Variants in PURG observed in about 807,000 individuals in gnomAD.
The protein encoded by PURG is purine rich element binding protein G.
Under a neutral mutation model 24.3 loss-of-function variants are expected in PURG, and 3 were observed. The observed-to-expected ratio is 0.12, with a 90% CI of 0.06 to 0.32. The LOEUF (loss-of-function observed/expected upper bound fraction) is 0.32. PURG is among the 10% of genes least tolerant of loss of function. The pLI is 1.00. For synonymous variants in PURG, 180 were observed against 173.1 expected, an observed-to-expected ratio of 1.04 and a Z score of -0.31; for missense variants, 371 against 439.1, an observed-to-expected ratio of 0.84 and a Z score of 1.39.
At chr8:31,021,841 T>C (rs1810997214) in intron 1 of PURG, among the ~76,000 whole-genome samples, 1 of 152,168 alleles carries the variant, frequency 6.6e-6, no homozygotes, top group South Asian at 2.1e-4. Context: ...CTATGTCTAG[T>C]ATACAGTGGG....
Position 31,032,639 on chromosome 8 carries a change from A to G in PURG, c.144T>C (p.Pro48=), listed in dbSNP as rs1455498565. 1 of 1,587,780 alleles carries G rather than the reference A, an allele frequency of 6.3e-7. No homozygotes were observed. Among genetic ancestry groups the G allele is most frequent in the Non-Finnish European group, 8.6e-7 (1 of 1,165,246 alleles). ...TTTCGGCTGCGCCCCCGGCCTGATTAGGGGTGGCTGAGGCCGCGTAGTGGG... is the reference window on the plus strand; with the variant it reads ...TTTCGGCTGCGCCCCCGGCCTGATTGGGGGTGGCTGAGGCCGCGTAGTGGG... ...HYPHYAASAT[P]NQAGGAAEIQ... Residue 48 remains proline, a synonymous_variant, in exon 2 of 2, where the codon CCT becomes CCC. Coordinates refer to ENST00000523392, the MANE Select transcript of PURG (RefSeq NM_001323311.2). This position sits in a 1 kb window ranked among gnomAD's most constrained non-coding sequence, Gnocchi z 5.9.
Position 31,016,581 on chromosome 8 carries a change from C to CAAAAAAAAAAAAAAAAAAAAAAAAAAA in PURG, c.864+15311_864+15337dup, listed in dbSNP as rs11433207. ...GAAAGAATGCAAGTCTACCAAGAAC[C>CAAAAAAAAAAAAAAAAAAAAAAAAAAA]AAAAAAAAAAAAAAAAAAAAAAAAA... is the stretch of plus-strand genomic sequence containing the variant. On this transcript the variant is annotated intron_variant, in intron 1 of 1. Transcript: ENST00000339382. Among the ~76,000 whole-genome samples, 3 of 57,532 alleles carry CAAAAAAAAAAAAAAAAAAAAAAAAAAA rather than the reference C, an allele frequency of 5.2e-5. 1 individual carries two copies. Among genetic ancestry groups the CAAAAAAAAAAAAAAAAAAAAAAAAAAA allele is most frequent in the East Asian group, 1.1e-3 (2 of 1,878 alleles). The allele number at this position is 57,532 out of a possible 152,430, so 37.7% of individuals were successfully genotyped here.
intron 1 of PURG, among the ~76,000 whole-genome samples, chr8:31,001,074 T>C (rs1219573306): frequency 6.6e-6 from 1 of 152,208 alleles, no homozygotes; most frequent in African/African-American, 2.4e-5. Context: ...AAATTCTTAA[T>C]AGAAGCTGCA....
chr8:31,015,423 A>C (rs2129808927), intron 1 of PURG, among the ~76,000 whole-genome samples: 1 of 152,194 alleles, frequency 6.6e-6, no homozygotes, highest in African/African-American at 2.4e-5. Flanking sequence ...GACTAAGGCA[A>C]TTTTTTTCTA....
chr8:31,027,642 A>C (rs1161158107), downstream of PURG, among the ~76,000 whole-genome samples: 1 of 151,686 alleles, frequency 6.6e-6, no homozygotes, highest in Non-Finnish European at 1.5e-5. Flanking sequence ...ATATAAATAC[A>C]TGATTATATT....
intron 1 of PURG, among the ~76,000 whole-genome samples, chr8:31,005,476 T>C (rs1381306855): frequency 6.7e-6 from 1 of 149,266 alleles, no homozygotes; most frequent in Non-Finnish European, 1.5e-5. Flanking sequence ...AAAAGAAAAA[T>C]ACATGCAATT....
At chr8:31,024,531 T>C (rs1459304763) in intron 1 of PURG, among the ~76,000 whole-genome samples, 2 of 152,180 alleles carry the variant, frequency 1.3e-5, no homozygotes, top group East Asian at 1.9e-4. Context: ...TTATTTCTCT[T>C]AGATGAATTT....
chr8:31,002,249 A>C lies in PURG; in HGVS notation c.865-5552T>G, dbSNP rs1298101120. Among the ~76,000 whole-genome samples, 10 of 152,200 alleles carry C rather than the reference A, an allele frequency of 6.6e-5. No individual in the cohort carries two copies. The East Asian group carries it at 1.5e-3, about 23-fold the overall frequency. Reference sequence around the variant, plus strand: ...ATTGAACTATTGAATACCGAGAGGTAAGACTTGATGATGTTGAAAGTCTCT... The same window carrying C: ...ATTGAACTATTGAATACCGAGAGGTCAGACTTGATGATGTTGAAAGTCTCT... On this transcript the variant is annotated intron_variant, in intron 1 of 1. Coordinates refer to the PURG transcript ENST00000339382.
At chr8:30,996,818 A>T in intron 1 of PURG, 1 of 767,708 alleles carries the variant, frequency 1.3e-6, no homozygotes, top group Admixed American at 2.9e-5. Flanking sequence ...AAAGCATGTA[A>T]CAAACCCTCA....
At chr8:31,004,204 A>T (rs1000897182) in intron 1 of PURG, among the ~76,000 whole-genome samples, 2 of 152,190 alleles carry the variant, frequency 1.3e-5, no homozygotes, top group African/African-American at 4.8e-5. Flanking sequence ...TGCTGCTCTT[A>T]CTGTATCTAC....
intron 1 of PURG, among the ~76,000 whole-genome samples, chr8:31,021,275 A>C (rs1421397518): frequency 6.6e-6 from 1 of 152,224 alleles, no homozygotes; most frequent in Non-Finnish European, 1.5e-5. Context: ...TTGGTTCATG[A>C]AAATGAAATT....
intron 1 of PURG, among the ~76,000 whole-genome samples, chr8:31,019,666 G>C (rs1810956758): frequency 6.7e-6 from 1 of 150,126 alleles, no homozygotes; most frequent in Non-Finnish European, 1.5e-5. Context: ...TTGTGAGATG[G>C]AGTCTCACTC....
chr8:31,014,264 A>G (rs1458266807), intron 1 of PURG, among the ~76,000 whole-genome samples: 1 of 152,242 alleles, frequency 6.6e-6, no homozygotes, highest in Non-Finnish European at 1.5e-5. Context: ...TTTTTGTGCT[A>G]GCTCTGAAAT....
intron 1 of PURG, among the ~76,000 whole-genome samples, chr8:31,003,256 C>T (rs535509139): frequency 5.9e-5 from 9 of 152,076 alleles, no homozygotes; most frequent in South Asian, 2.1e-4. Flanking sequence ...AAGGAAAGCA[C>T]GTGTATTTTA....
In PURG at chr8:31,032,534, G is replaced by C. The variant is rs146991010; in HGVS notation, c.249C>G (p.Arg83=). Residue 83 remains arginine, a synonymous_variant, in exon 2 of 2, where the codon CGC becomes CGG. Transcript: ENST00000523392. This position sits in a 1 kb window ranked among gnomAD's most constrained non-coding sequence, Gnocchi z 5.9. ...YLDVKQSSRG[R]FLKIAEVWIG... ...TCCAGACTTCGGCTATCTTTAGGAA[G>C]CGGCCCCGGGAGCTTTGCTTCACGT... is the stretch of plus-strand genomic sequence containing the variant. The C allele has an allele frequency of 6.8e-6, 11 of 1,614,124 alleles. No individual in the cohort carries two copies. The African/African-American group carries it at 1.5e-4, about 22-fold the overall frequency.
rs1214549951 is a variant in PURG, at chr8:31,032,702, C to T, written c.81G>A (p.Lys27=). The change falls in exon 2 of 2, where the codon AAG becomes AAA. Residue 27 remains lysine (K), a synonymous_variant. Transcript: ENST00000523392. The surrounding 1 kb of genome is among the most constrained non-coding windows in gnomAD (Gnocchi z 5.9). Reference sequence around the variant, plus strand: ...GCTGGGCCTGGGGATAGAGTCTACTCTTGCTTAGGCCAGAGCCCCCTACAT... The same window carrying T: ...GCTGGGCCTGGGGATAGAGTCTACTTTTGCTTAGGCCAGAGCCCCCTACAT... The part of the protein sequence containing the change: ...GKNVGGSGLS[K]SRLYPQAQHS... The T allele has an allele frequency of 2.6e-6, 4 of 1,510,218 alleles. No homozygotes were observed. The highest frequency in any genetic ancestry group is 2.3e-5 in the East Asian group (1 of 43,586). The allele number at this position is 1,510,218 out of a possible 1,614,324, so 93.6% of individuals were successfully genotyped here.
downstream of PURG, among the ~76,000 whole-genome samples, chr8:31,028,503 G>A (rs1811130083): frequency 6.6e-6 from 1 of 151,784 alleles, no homozygotes; most frequent in South Asian, 2.1e-4. Context: ...CTTTCAAATA[G>A]ACAAATGTGA....
At position 31,032,293 on chromosome 8, in the gene PURG, C is replaced by A; in HGVS notation, c.490G>T (p.Glu164Ter). The A allele has an allele frequency of 6.2e-7, 1 of 1,612,986 alleles. No homozygotes were observed. The highest frequency in any genetic ancestry group is 8.5e-7 in the Non-Finnish European group (1 of 1,180,018). ...APSPPVSVGS[E>*]EHPHSVLKTD... ...TTCAGGACACTGTGAGGATGCTCTT[C>A]GGACCCCACCGAGACTGGTGGGGAG... The change falls in exon 2 of 2, where the codon GAA becomes TAA. Residue 164 changes from glutamate to a stop codon, truncating the protein, a stop_gained. Transcript: ENST00000523392. LOFTEE classifies it high-confidence loss of function. This position sits in a 1 kb window ranked among gnomAD's most constrained non-coding sequence, Gnocchi z 5.9.
chr8:31,015,795 A>G (rs956395762), intron 1 of PURG, among the ~76,000 whole-genome samples: 1 of 152,212 alleles, frequency 6.6e-6, no homozygotes, highest in African/African-American at 2.4e-5. Context: ...TCATGCCTGT[A>G]ATCCCAGCAC....
Sources: gnomAD v4.1 joint callset for allele counts (sites outside exome capture counted in the v4.1 genomes callset) on GRCh38, gnomAD v4.1.1 for gene constraint, Gnocchi (gnomAD v3.1) non-coding constraint, MANE v1.5 for transcripts, NCBI Gene and HGNC (gene_info 2026-07-23, HGNC 2026-07-21) for gene names.